The following RALGPS1 variants were observed in gnomAD, a reference collection of about 807,000 sequenced individuals.
RALGPS1 encodes ras-specific guanine nucleotide-releasing factor RalGPS1.
RALGPS1 carries 19 observed loss-of-function variants against 78.8 expected under a neutral mutation model. The observed-to-expected ratio is 0.24, with a 90% CI of 0.17 to 0.35. RALGPS1 has a LOEUF of 0.35. RALGPS1 is among the 10% of genes least tolerant of loss of function. The pLI is 1.00. For missense variants in RALGPS1, 454 were observed against 688.3 expected, an observed-to-expected ratio of 0.66 and a Z score of 3.81; for synonymous variants, 228 against 256.3, an observed-to-expected ratio of 0.89 and a Z score of 1.06.
chr9:127,178,778 C>A (rs2095140), intron 11 of RALGPS1, among the ~76,000 whole-genome samples: 26,656 of 152,252 alleles, frequency 0.18, 3,139 homozygotes, highest in East Asian at 0.45. Flanking sequence ...GACCCTGTGG[C>A]CTGCAGAGCG....
At chr9:127,190,215 A>G (rs1389991432) in intron 11 of RALGPS1, among the ~76,000 whole-genome samples, 1 of 152,332 alleles carries the variant, frequency 6.6e-6, no homozygotes, top group African/African-American at 2.4e-5. Flanking sequence ...GTGTGTAAAC[A>G]TATATACTGT....
intron 11 of RALGPS1, among the ~76,000 whole-genome samples, chr9:127,175,077 A>G (rs907114765): frequency 6.6e-6 from 1 of 152,238 alleles, no homozygotes; most frequent in Admixed American, 6.5e-5. Context: ...CACAAGGTAG[A>G]GAAAGCCCCA....
intron 1 of RALGPS1, among the ~76,000 whole-genome samples, chr9:126,959,482 A>G (rs1311596270): frequency 6.6e-6 from 1 of 152,114 alleles, no homozygotes; most frequent in Non-Finnish European, 1.5e-5. Context: ...CAGGACAAAA[A>G]TGACTATCAA....
chr9:126,955,777 A>T (rs1324801114), intron 1 of RALGPS1, among the ~76,000 whole-genome samples: 1 of 152,226 alleles, frequency 6.6e-6, no homozygotes, highest in East Asian at 1.9e-4. Context: ...AGCATGAGGT[A>T]GGGACACAGT....
At position 127,218,681 on chromosome 9, in the gene RALGPS1, C is replaced by G; in HGVS notation, c.1645-59C>G. Reference sequence around the variant, plus strand: ...GCCTGTCCCTTCCCCTAGGGACCACCACCCCTTGTCCTTCTCTGAGGTCGG... The same window carrying G: ...GCCTGTCCCTTCCCCTAGGGACCACGACCCCTTGTCCTTCTCTGAGGTCGG... On this transcript the variant is annotated intron_variant, in intron 18 of 18. Transcript: ENST00000259351. This position sits in a 1 kb window ranked among gnomAD's most constrained non-coding sequence, Gnocchi z 4.4. 1.3e-6 allele frequency: 2 copies of G among 1,564,842 alleles called. No individual in the cohort carries two copies. Among genetic ancestry groups the G allele is most frequent in the Non-Finnish European group, 8.8e-7 (1 of 1,135,208 alleles).
intron 11 of RALGPS1, among the ~76,000 whole-genome samples, chr9:127,188,685 G>A (rs1395301222): frequency 6.6e-6 from 1 of 151,876 alleles, no homozygotes; most frequent in Admixed American, 6.6e-5. Flanking sequence ...GATCCATTGG[G>A]CTGGTTGCAG....
chr9:127,128,835 C>T (rs2056812138), intron 8 of RALGPS1, among the ~76,000 whole-genome samples: 1 of 152,206 alleles, frequency 6.6e-6, no homozygotes, highest in Non-Finnish European at 1.5e-5. Context: ...CAAAGGATAT[C>T]CAGGCACCGT....
intron 4 of RALGPS1, among the ~76,000 whole-genome samples, chr9:127,026,725 TTTTCCCCTGGC>T (rs1388115907): frequency 6.6e-6 from 1 of 152,208 alleles, no homozygotes; most frequent in Non-Finnish European, 1.5e-5. Flanking sequence ...GTTGTGACTT[TTTTCCCCTGGC>T]TTTTCTCCTG....
At chr9:126,965,080 G>C (rs1340261826) in intron 2 of RALGPS1, among the ~76,000 whole-genome samples, 2 of 152,184 alleles carry the variant, frequency 1.3e-5, no homozygotes, top group African/African-American at 4.8e-5. Context: ...ACAGTGTTGA[G>C]ATTCGTGAAA....
chr9:126,945,434 G>A (rs554628198), intron 1 of RALGPS1, among the ~76,000 whole-genome samples: 1 of 152,032 alleles, frequency 6.6e-6, no homozygotes, highest in African/African-American at 2.4e-5. Context: ...TCCTGACTTC[G>A]TGATTTGCCT....
intron 4 of RALGPS1, among the ~76,000 whole-genome samples, chr9:127,000,348 A>C (rs1322830335): frequency 2.0e-5 from 3 of 152,010 alleles, no homozygotes; most frequent in Non-Finnish European, 4.4e-5. Context: ...TTTTCTTCTA[A>C]GTGCTGCTCT....
chr9:126,970,631 G>A (rs1454261707), intron 3 of RALGPS1, among the ~76,000 whole-genome samples: 1 of 152,032 alleles, frequency 6.6e-6, no homozygotes, highest in Non-Finnish European at 1.5e-5. Context: ...GTGTGTGTGT[G>A]TATGTGTGTG....
At chr9:127,124,577 A>G (rs1589629581) in intron 8 of RALGPS1, among the ~76,000 whole-genome samples, 1 of 152,150 alleles carries the variant, frequency 6.6e-6, no homozygotes, top group Non-Finnish European at 1.5e-5. Context: ...TTAGGCCGCT[A>G]AATTTTGGTG....
intron 4 of RALGPS1, among the ~76,000 whole-genome samples, chr9:126,978,977 TCAGAG>T (rs1165895744): frequency 6.6e-6 from 1 of 152,134 alleles, no homozygotes; most frequent in African/African-American, 2.4e-5. Context: ...GGTTCAGACC[TCAGAG>T]GAGAGGAGTG....
chr9:126,928,689 C>T (rs967620454), intron 1 of RALGPS1, among the ~76,000 whole-genome samples: 9 of 152,086 alleles, frequency 5.9e-5, no homozygotes, highest in Admixed American at 6.6e-5. Context: ...GCAACCTCCA[C>T]CTCCCAGCTC....
In RALGPS1 at chr9:127,023,424, C is replaced by T. The variant is rs112598176; in HGVS notation, c.217-11007C>T. On this transcript the variant is annotated intron_variant, in intron 4 of 18. Coordinates refer to ENST00000259351, the MANE Select transcript of RALGPS1 (RefSeq NM_014636.3). ...CCACTTGCCCTTAATCCCTTTATTCCTCCTCCTCCCTTCTTTTCTTCAATT... is the reference window on the plus strand; with the variant it reads ...CCACTTGCCCTTAATCCCTTTATTCTTCCTCCTCCCTTCTTTTCTTCAATT... 5.9e-5 allele frequency among the ~76,000 whole-genome samples: 9 copies of T among 152,090 alleles called. 1 individual carries two copies. Among genetic ancestry groups the T allele is most frequent in the African/African-American group, 9.6e-5 (4 of 41,486 alleles).
intron 5 of RALGPS1, among the ~76,000 whole-genome samples, chr9:127,036,760 G>T (rs1232936276): frequency 6.6e-6 from 1 of 152,230 alleles, no homozygotes; most frequent in African/African-American, 2.4e-5. Context: ...CAACCCCAAG[G>T]AATACCCTGT....
intron 1 of RALGPS1, among the ~76,000 whole-genome samples, chr9:126,954,957 C>T (rs1411638431): frequency 6.6e-6 from 1 of 152,230 alleles, no homozygotes; most frequent in Non-Finnish European, 1.5e-5. Flanking sequence ...GGCCTTCTCC[C>T]TCCATGATAA....
At chr9:126,965,800 C>A in intron 2 of RALGPS1, 44 bp from the exon 3 acceptor site, 1 of 1,464,036 alleles carries the variant, frequency 6.8e-7, no homozygotes, top group Non-Finnish European at 9.6e-7. Context: ...AATGATTCCA[C>A]GTCATATCAT....
Sources: allele counts gnomAD v4.1 joint callset (sites outside exome capture counted in the v4.1 genomes callset), GRCh38; gene constraint gnomAD v4.1.1; non-coding constraint Gnocchi (gnomAD v3.1); transcripts MANE v1.5; gene names NCBI Gene and HGNC (gene_info 2026-07-23, HGNC 2026-07-21).